The following TMTC1 variants were observed in gnomAD, a reference collection of about 807,000 sequenced individuals.
TMTC1 encodes transmembrane O-mannosyltransferase targeting cadherins 1.
In TMTC1, 73 loss-of-function variants were observed where a neutral mutation model predicts 104.8. The observed-to-expected ratio is 0.70, with a 90% CI of 0.58 to 0.85. The LOEUF is 0.85. Among genes scored for constraint, TMTC1 ranks in the 40% least tolerant of loss-of-function variants. The pLI is 0.00. For missense variants in TMTC1, 1,035 were observed against 1,096.1 expected, an observed-to-expected ratio of 0.94 and a Z score of 0.79; for synonymous variants, 434 against 428.7, an observed-to-expected ratio of 1.01 and a Z score of -0.15.
chr12:29,607,484 C>T (rs1048351252), intron 6 of TMTC1, among the ~76,000 whole-genome samples: 3 of 151,980 alleles, frequency 2.0e-5, no homozygotes, highest in Non-Finnish European at 4.4e-5. Flanking sequence ...ACAAGGAAGA[C>T]AAATTTGGGA....
chr12:29,711,344 G>A (rs1337804722), intron 5 of TMTC1, among the ~76,000 whole-genome samples: 1 of 152,106 alleles, frequency 6.6e-6, no homozygotes, highest in African/African-American at 2.4e-5. Context: ...GTGATAATTT[G>A]GAAAGGGAGA....
intron 5 of TMTC1, among the ~76,000 whole-genome samples, chr12:29,724,321 A>T (rs1050935885): frequency 6.6e-6 from 1 of 152,238 alleles, no homozygotes; most frequent in African/African-American, 2.4e-5. Context: ...TGTTACAACC[A>T]GTTTGGGAGA....
intron 5 of TMTC1, among the ~76,000 whole-genome samples, chr12:29,668,243 T>G (rs569310296): frequency 5.3e-5 from 8 of 152,240 alleles, no homozygotes; most frequent in African/African-American, 1.9e-4. Flanking sequence ...GGCACCAGCA[T>G]CTGGGAGGCC....
intron 5 of TMTC1, among the ~76,000 whole-genome samples, chr12:29,649,814 G>A (rs1939433652): frequency 6.6e-6 from 1 of 152,164 alleles, no homozygotes; most frequent in Non-Finnish European, 1.5e-5. Flanking sequence ...GGAATATCAG[G>A]TGTGTTACAA....
chr12:29,783,353 G>C lies in TMTC1; in HGVS notation c.302+97C>G, dbSNP rs1454358331. On this transcript the variant is annotated intron_variant, in intron 1 of 17. Coordinates refer to ENST00000539277, the MANE Select transcript of TMTC1 (RefSeq NM_001193451.2). The surrounding 1 kb of genome is among the most constrained non-coding windows in gnomAD (Gnocchi z 4.7). ...CGTGGAGGGAAAGGGCGGCAAAAAT[G>C]AAATGCCCCCAAGTCAGTCCCGCAA... is the stretch of plus-strand genomic sequence containing the variant. 8.9e-7 allele frequency: 1 copy of C among 1,120,500 alleles called. No homozygotes were observed. Among genetic ancestry groups the C allele is most frequent in the Admixed American group, 4.2e-5 (1 of 23,664 alleles). The allele number at this position is 1,120,500 out of a possible 1,614,324, so 69.4% of individuals were successfully genotyped here. A position where few individuals can be genotyped will look rare whatever the true frequency, so the allele number is the denominator to read the frequency against.
chr12:29,513,809 TC>T (rs1156702463), intron 16 of TMTC1, among the ~76,000 whole-genome samples: 1 of 152,070 alleles, frequency 6.6e-6, no homozygotes, highest in Non-Finnish European at 1.5e-5. Context: ...AAGGATGCAG[TC>T]CCTCTCTACA....
At chr12:29,544,238 ATC>A (rs1448904056) in intron 10 of TMTC1, among the ~76,000 whole-genome samples, 1 of 133,382 alleles carries the variant, frequency 7.5e-6, no homozygotes, top group African/African-American at 3.8e-5. Flanking sequence ...GCAAAACTCC[ATC>A]TCAAAAAAAA....
Position 29,516,503 on chromosome 12 carries a change from A to C in TMTC1, c.2170-17T>G. On this transcript the variant is annotated splice_polypyrimidine_tract_variant and intron_variant, in intron 14 of 17. Coordinates refer to ENST00000539277, the MANE Select transcript of TMTC1 (RefSeq NM_001193451.2). ...AACCTGAGCCTACAAAACCACATGG[A>C]CCTTGGCTTAGCAGAGACTTCATTA... The C allele has an allele frequency of 6.2e-7, 1 of 1,609,396 alleles. No homozygotes were observed. The highest frequency in any genetic ancestry group is 8.5e-7 in the Non-Finnish European group (1 of 1,177,080).
intron 1 of TMTC1, among the ~76,000 whole-genome samples, chr12:29,772,791 C>T (rs1943624059): frequency 6.6e-6 from 1 of 152,028 alleles, no homozygotes; most frequent in Non-Finnish European, 1.5e-5. Flanking sequence ...CTGAATGTAC[C>T]CCTTTGAAAG....
intron 6 of TMTC1, among the ~76,000 whole-genome samples, chr12:29,618,314 T>C (rs927667240): frequency 1.3e-5 from 2 of 152,224 alleles, no homozygotes; most frequent in Non-Finnish European, 2.9e-5. Flanking sequence ...TACTACAGTG[T>C]GGAGATGCAT....
intron 5 of TMTC1, among the ~76,000 whole-genome samples, chr12:29,636,052 T>C (rs1938533039): frequency 6.6e-6 from 1 of 152,190 alleles, no homozygotes; most frequent in East Asian, 1.9e-4. Flanking sequence ...GTGATAATAG[T>C]ATTGTGGTAA....
At chr12:29,733,586 CTT>C (rs1942598935) in intron 5 of TMTC1, among the ~76,000 whole-genome samples, 1 of 152,214 alleles carries the variant, frequency 6.6e-6, no homozygotes, top group African/African-American at 2.4e-5. Context: ...TCACCACACT[CTT>C]ATCTCCAATA....
At chr12:29,748,126 G>C (rs965327386) in intron 5 of TMTC1, among the ~76,000 whole-genome samples, 1 of 152,024 alleles carries the variant, frequency 6.6e-6, no homozygotes, top group African/African-American at 2.4e-5. Flanking sequence ...CTTTCCATTG[G>C]GGGAAGATGG....
At chr12:29,530,499 C>T (rs191724720) in intron 11 of TMTC1, among the ~76,000 whole-genome samples, 110 of 152,294 alleles carry the variant, frequency 7.2e-4, no homozygotes, top group African/African-American at 1.7e-3. Context: ...TGCATTTAAA[C>T]GTTGTGTCTC....
At chr12:29,545,916 A>G (rs569098832) in intron 10 of TMTC1, among the ~76,000 whole-genome samples, 1 of 152,272 alleles carries the variant, frequency 6.6e-6, no homozygotes, top group Admixed American at 6.5e-5. Context: ...TGTATTTAGT[A>G]CTCATGAAAG....
At chr12:29,517,308 A>G in intron 14 of TMTC1, 119 bp downstream of exon 14, 2 of 1,086,432 alleles carry the variant, frequency 1.8e-6, no homozygotes, top group Non-Finnish European at 2.6e-6. Flanking sequence ...CTGTATGAAT[A>G]TTCATACAGT....
chr12:29,760,783 C>T (rs953647722), intron 2 of TMTC1, among the ~76,000 whole-genome samples: 2 of 150,442 alleles, frequency 1.3e-5, no homozygotes, highest in African/African-American at 2.4e-5. Flanking sequence ...CATTTTATTG[C>T]ATATTAATTT....
chr12:29,579,701 G>A (rs2136320140), intron 8 of TMTC1, among the ~76,000 whole-genome samples: 1 of 152,296 alleles, frequency 6.6e-6, no homozygotes, highest in South Asian at 2.1e-4. Flanking sequence ...CCAAACAAAT[G>A]TAGGGTTCTG....
intron 6 of TMTC1, among the ~76,000 whole-genome samples, chr12:29,624,671 T>C (rs972007143): frequency 3.3e-5 from 5 of 152,282 alleles, no homozygotes; most frequent in Non-Finnish European, 7.3e-5. Flanking sequence ...ATGTCTCTGC[T>C]CTAATGTCAC....
Sources: gnomAD v4.1 joint callset for allele counts (sites outside exome capture counted in the v4.1 genomes callset) on GRCh38, gnomAD v4.1.1 for gene constraint, Gnocchi (gnomAD v3.1) non-coding constraint, MANE v1.5 for transcripts, NCBI Gene and HGNC (gene_info 2026-07-23, HGNC 2026-07-21) for gene names.